Variants in GALNT9 observed in about 807,000 individuals in gnomAD.
The protein encoded by GALNT9 is GalNAc transferase 9.
GALNT9 carries 47 observed loss-of-function variants against 63.1 expected under a neutral mutation model. That is an observed-to-expected ratio of 0.75 (90% CI 0.59 to 0.95). The LOEUF is 0.95. Ranked by LOEUF, GALNT9 falls within the 40% of genes least tolerant of loss-of-function variation. The probability of loss-of-function intolerance (pLI) is 0.00; values close to 1 mark genes in which losing one functional copy is unlikely to be tolerated. For synonymous variants in GALNT9, 396 were observed against 365.7 expected (o/e 1.08, Z -0.94); for missense variants, 829 against 874.8 (o/e 0.95, Z 0.66).
chr12:132,325,155 C>T (rs895944433), intron 1 of GALNT9, among the ~76,000 whole-genome samples: 3 of 152,384 alleles, frequency 2.0e-5, no homozygotes, highest in Admixed American at 6.5e-5. Flanking sequence ...GGTGGGGTGA[C>T]GCCTGCTGGA....
intron 6 of GALNT9, among the ~76,000 whole-genome samples, chr12:132,241,513 T>TTAC: frequency 1.0e-5 from 1 of 96,664 alleles, no homozygotes; most frequent in Non-Finnish European, 2.4e-5. Context: ...CTATACCCAT[T>TTAC]ACACACACGC....
intron 1 of GALNT9, among the ~76,000 whole-genome samples, chr12:132,314,670 G>A (rs1868418029): frequency 6.6e-6 from 1 of 152,220 alleles, no homozygotes; most frequent in Admixed American, 6.5e-5. Flanking sequence ...CTGCCCCCCT[G>A]CCTGACTGTG....
Position 132,319,391 on chromosome 12 carries a change from G to A in GALNT9, c.238+9575C>T, listed in dbSNP as rs1184156703. ...CTCCTGCCTGTGGACATCGGGTGGA[G>A]CTGCCAGGTCTCGGGCCTTTGGAGT... is the stretch of plus-strand genomic sequence containing the variant. On this transcript the variant is annotated intron_variant, in intron 1 of 10. Transcript: ENST00000328957. The surrounding 1 kb of genome is among the most constrained non-coding windows in gnomAD (Gnocchi z 5.2). Among the ~76,000 whole-genome samples, 5 of 152,150 alleles carry A rather than the reference G, an allele frequency of 3.3e-5. No homozygotes were observed. The highest frequency in any genetic ancestry group is 1.2e-4 in the African/African-American group (5 of 41,450).
At chr12:132,204,582 C>T (rs564139829) in intron 6 of GALNT9, among the ~76,000 whole-genome samples, 19 of 152,248 alleles carry the variant, frequency 1.2e-4, no homozygotes, top group Admixed American at 3.3e-4. Flanking sequence ...CTCTCCTGGG[C>T]GCCTGCCAGC....
chr12:132,281,791 C>G lies in GALNT9; in HGVS notation c.419+4459G>C, dbSNP rs150507333. Among the ~76,000 whole-genome samples the G allele has an allele frequency of 5.4e-3, 817 of 150,430 alleles. 2 individuals are homozygous for G. The highest frequency in any genetic ancestry group is 0.047 in the South Asian group (204 of 4,360). Reference sequence around the variant, plus strand: ...CCCCCACTGTGCAGCAAGCCCAGGCCTGGGGGTCCCCGATCCCACAGAGGA... The same window carrying G: ...CCCCCACTGTGCAGCAAGCCCAGGCGTGGGGGTCCCCGATCCCACAGAGGA... On this transcript the variant is annotated intron_variant, in intron 2 of 10. Transcript: ENST00000328957.
At chr12:132,224,817 A>C (rs1424374566) in intron 6 of GALNT9, among the ~76,000 whole-genome samples, 8 of 100,542 alleles carry the variant, frequency 8.0e-5, no homozygotes, top group African/African-American at 1.6e-4. Flanking sequence ...ACACATACAC[A>C]CCCTCCCACA....
At chr12:132,294,611 G>A (rs1445542959) in intron 1 of GALNT9, among the ~76,000 whole-genome samples, 2 of 152,204 alleles carry the variant, frequency 1.3e-5, no homozygotes, top group Non-Finnish European at 2.9e-5. Context: ...GGTGCTGGCA[G>A]AGGCTGGGGT....
At chr12:132,206,385 C>T (rs938004065) in intron 6 of GALNT9, among the ~76,000 whole-genome samples, 4 of 152,222 alleles carry the variant, frequency 2.6e-5, no homozygotes, top group African/African-American at 9.6e-5. Context: ...AGGGGCCTCA[C>T]ACTTGTAATT....
At chr12:132,301,645 G>A (rs186309462) in intron 1 of GALNT9, among the ~76,000 whole-genome samples, 18 of 152,368 alleles carry the variant, frequency 1.2e-4, no homozygotes, top group Admixed American at 2.6e-4. Context: ...GACACATTCA[G>A]GTTGAACCAG....
At chr12:132,271,929 C>T (rs564755202) in intron 2 of GALNT9, among the ~76,000 whole-genome samples, 24 of 152,252 alleles carry the variant, frequency 1.6e-4, no homozygotes, top group African/African-American at 5.5e-4. Context: ...AGCAGGGCGG[C>T]CACACGTGAA....
intron 1 of GALNT9, among the ~76,000 whole-genome samples, chr12:132,289,763 G>A (rs932536406): frequency 3.3e-5 from 5 of 152,204 alleles, no homozygotes; most frequent in African/African-American, 9.7e-5. Context: ...TCACTGCTGC[G>A]TCTGTGCTTA....
intron 9 of GALNT9, among the ~76,000 whole-genome samples, chr12:132,198,349 C>T (rs148144236): frequency 0.017 from 2,629 of 152,282 alleles, 29 homozygotes; most frequent in Middle Eastern, 0.037. Flanking sequence ...GGGTTAGAAA[C>T]GTCCAGCTCC....
At chr12:132,303,491 G>T (rs1316058251) in intron 1 of GALNT9, among the ~76,000 whole-genome samples, 2 of 18,452 alleles carry the variant, frequency 1.1e-4, no homozygotes, top group Non-Finnish European at 2.5e-4. Context: ...GCACAGAATC[G>T]CCCAGACACA....
intron 1 of GALNT9, among the ~76,000 whole-genome samples, chr12:132,302,384 T>G (rs1555243919): frequency 6.6e-6 from 1 of 152,246 alleles, no homozygotes; most frequent in African/African-American, 2.4e-5. Flanking sequence ...ATCTGGTGTC[T>G]GCCGCCTGCA....
intron 2 of GALNT9, chr12:132,280,867 C>T (rs1018798993): frequency 6.6e-6 from 1 of 152,330 alleles, no homozygotes. Context: ...GCCACCTACT[C>T]TCTGTGGGAT....
At chr12:132,273,636 C>T (rs1879951184) in intron 2 of GALNT9, 2 of 152,592 alleles carry the variant, frequency 1.3e-5, no homozygotes, top group Admixed American at 1.3e-4. Context: ...AATAACTCAG[C>T]CTGAGTGGAA....
chr12:132,230,585 C>T (rs1445720016), intron 6 of GALNT9, among the ~76,000 whole-genome samples: 4 of 148,968 alleles, frequency 2.7e-5, no homozygotes, highest in Middle Eastern at 3.4e-3. Flanking sequence ...GCCAAGGCCG[C>T]GCCACCTGGC....
At chr12:132,266,634 G>A (rs1460137821) in intron 2 of GALNT9, among the ~76,000 whole-genome samples, 5 of 152,248 alleles carry the variant, frequency 3.3e-5, no homozygotes, top group Admixed American at 2.0e-4. Context: ...CACAGCTCTG[G>A]CCACTCTGTG....
intron 9 of GALNT9, among the ~76,000 whole-genome samples, 185 bp downstream of exon 9, chr12:132,198,989 G>T (rs576094441): frequency 6.6e-6 from 1 of 152,186 alleles, no homozygotes; most frequent in African/African-American, 2.4e-5. Context: ...CTACCTTCCA[G>T]GTGGGGCGGG....
Sources: allele counts gnomAD v4.1 joint callset (sites outside exome capture counted in the v4.1 genomes callset), GRCh38; gene constraint gnomAD v4.1.1; non-coding constraint Gnocchi (gnomAD v3.1); transcripts MANE v1.5; gene names NCBI Gene and HGNC (gene_info 2026-07-23, HGNC 2026-07-21).